Variants in MFSD6 observed in about 807,000 individuals in gnomAD.
MFSD6 encodes the protein major facilitator superfamily domain-containing protein 6.
MFSD6 carries 26 observed loss-of-function variants against 56.3 expected under a neutral mutation model. That is an observed-to-expected ratio of 0.46 (90% CI 0.34 to 0.64). The LOEUF (loss-of-function observed/expected upper bound fraction) is 0.64. Among genes scored for constraint, MFSD6 ranks in the 30% least tolerant of loss-of-function variants. The pLI, the probability that MFSD6 is intolerant of heterozygous loss-of-function variation, is 0.01. For missense variants in MFSD6, 750 were observed against 986.2 expected, an observed-to-expected ratio of 0.76 and a Z score of 3.21; for synonymous variants, 331 against 366.9, an observed-to-expected ratio of 0.90 and a Z score of 1.12.
chr2:190,429,553 C>G (rs1309984247), intron 2 of MFSD6, among the ~76,000 whole-genome samples: 3 of 152,012 alleles, frequency 2.0e-5, no homozygotes, highest in Non-Finnish European at 4.4e-5. Flanking sequence ...GTTTCGAACT[C>G]TTGATCTCAG....
chr2:190,428,014 G>A (rs1685837535), intron 2 of MFSD6, among the ~76,000 whole-genome samples: 1 of 152,202 alleles, frequency 6.6e-6, no homozygotes, highest in South Asian at 2.1e-4. Flanking sequence ...TTACAGGCGT[G>A]AGCCACTGTG....
rs1687455259 is a variant in MFSD6 at position 190,463,785 on chromosome 2, A to G, written c.1533-5973A>G. The G allele has an allele frequency of 8.1e-6, 6 of 744,404 alleles. No homozygotes were observed. In the South Asian group the frequency reaches 3.6e-4, roughly 45 times the overall value. 46.1% of individuals were successfully genotyped at this position (744,404 alleles called of 1,614,324 possible). On this transcript the variant is annotated intron_variant, in intron 3 of 7. Transcript: ENST00000392328. The surrounding 1 kb of genome is among the most constrained non-coding windows in gnomAD (Gnocchi z 4.4). ...CATTGAGCTGTGATGACGCTACTGC[A>G]CTCCAGCCTGGGTAACAGAGCAAGA...
chr2:190,436,434 C>CTT lies in MFSD6; in HGVS notation c.405_406insTT (p.Leu136PhefsTer23). On this transcript the variant is annotated frameshift_variant, in exon 3 of 8. Coordinates refer to ENST00000392328, the MANE Select transcript of MFSD6 (RefSeq NM_017694.4). LOFTEE classifies it high-confidence loss of function. The surrounding 1 kb of genome is among the most constrained non-coding windows in gnomAD (Gnocchi z 5.3). ...GCTTTAAAAAAGGCAAAATTGTCCTCCTCTTTTCTCTTTTGTGTTGGGTTT... is the reference window on the plus strand; with the variant it reads ...GCTTTAAAAAAGGCAAAATTGTCCTCTTCTCTTTTCTCTTTTGTGTTGGGTTT... The CTT allele has an allele frequency of 6.2e-7, 1 of 1,614,146 alleles. No homozygotes were observed. The highest frequency in any genetic ancestry group is 2.2e-5 in the East Asian group (1 of 44,886).
At chr2:190,445,775 A>ATACT (rs1400439749) in intron 3 of MFSD6, among the ~76,000 whole-genome samples, 1 of 151,044 alleles carries the variant, frequency 6.6e-6, no homozygotes, top group African/African-American at 2.4e-5. Flanking sequence ...TTTCATTAGA[A>ATACT]TACTTACTTT....
chr2:190,476,594 A>G (rs1688331117), intron 4 of MFSD6, among the ~76,000 whole-genome samples: 1 of 152,208 alleles, frequency 6.6e-6, no homozygotes, highest in Non-Finnish European at 1.5e-5. Flanking sequence ...GAACACTTTT[A>G]CACTGTTGGT....
At chr2:190,435,819 C>T in intron 2 of MFSD6, 158 bp from the exon 3 acceptor site, 1 of 604,512 alleles carries the variant, frequency 1.7e-6, no homozygotes, top group Non-Finnish European at 2.6e-6. Flanking sequence ...GCTATTTTTC[C>T]TTACCGGTAT....
Position 190,436,286 on chromosome 2 carries a change from A to T in MFSD6, c.257A>T (p.Tyr86Phe). Residue 86 changes from tyrosine to phenylalanine, a missense_variant, in exon 3 of 8, where the codon TAT (tyrosine) becomes TTT (phenylalanine). By Grantham distance (22) the Tyr-to-Phe change is conservative. This residue lies in a region of MFSD6 where 76 missense variants were observed against 101.9 expected (regional missense o/e 0.75). Transcript: ENST00000392328. This position sits in a 1 kb window ranked among gnomAD's most constrained non-coding sequence, Gnocchi z 5.3. ...FFFYSAYGSL[Y>F]PLLPVYYKQL... ...TTTTACTCTGCCTATGGCTCTCTCT[A>T]TCCCCTTTTGCCTGTGTATTACAAA... 10 of 1,614,020 alleles carry T rather than the reference A, an allele frequency of 6.2e-6. No individual in the cohort carries two copies. Among genetic ancestry groups the T allele is most frequent in the Non-Finnish European group, 8.5e-6 (10 of 1,179,928 alleles).
At position 190,465,485 on chromosome 2, in the gene MFSD6, A is replaced by G. The variant is rs769752785; in HGVS notation, c.1533-4273A>G. ...GTGCCCATAAGATTACTGATTATAC[A>G]TCAGTAATCTTATGTATAATCTTAT... On this transcript the variant is annotated intron_variant, in intron 3 of 7. Coordinates refer to ENST00000392328, the MANE Select transcript of MFSD6 (RefSeq NM_017694.4). This position sits in a 1 kb window ranked among gnomAD's most constrained non-coding sequence, Gnocchi z 4.6. Among the ~76,000 whole-genome samples the G allele has an allele frequency of 6.6e-6, 1 of 152,126 alleles. No individual in the cohort carries two copies. Among genetic ancestry groups the G allele is most frequent in the Non-Finnish European group, 1.5e-5 (1 of 68,032 alleles).
intron 3 of MFSD6, among the ~76,000 whole-genome samples, chr2:190,440,865 G>A (rs1172482242): frequency 6.6e-6 from 1 of 152,222 alleles, no homozygotes; most frequent in Admixed American, 6.5e-5. Flanking sequence ...AATACCTGAT[G>A]CAGCTAGTAA....
chr2:190,432,726 G>A (rs867787905), intron 2 of MFSD6, among the ~76,000 whole-genome samples: 2 of 152,076 alleles, frequency 1.3e-5, no homozygotes, highest in African/African-American at 2.4e-5. Flanking sequence ...CAAAATCTCT[G>A]TGTTTTACTT....
At position 190,436,547 on chromosome 2, in the gene MFSD6, G is replaced by T. The variant is rs1373471787; in HGVS notation, c.518G>T (p.Ser173Ile). 3 of 1,614,104 alleles carry T rather than the reference G, an allele frequency of 1.9e-6. No individual in the cohort carries two copies. Among genetic ancestry groups the T allele is most frequent in the Non-Finnish European group, 2.5e-6 (3 of 1,180,050 alleles). Residue 173 changes from serine to isoleucine, a missense_variant, in exon 3 of 8, where the codon AGT becomes ATT. Coordinates refer to ENST00000392328, the MANE Select transcript of MFSD6 (RefSeq NM_017694.4). The surrounding 1 kb of genome is among the most constrained non-coding windows in gnomAD (Gnocchi z 5.3). Reference protein sequence around the residue: ...IRPTTHPTNASHQLTILPTNS... With the variant: ...IRPTTHPTNAIHQLTILPTNS... ...CCAACAACTCACCCCACCAATGCAA[G>T]TCACCAGTTAACTATCCTGCCAACA...
chr2:190,425,635 A>G lies in MFSD6; in HGVS notation c.-54+10222A>G, dbSNP rs184000224. On this transcript the variant is annotated intron_variant, in intron 2 of 7. Transcript: ENST00000392328. This position sits in a 1 kb window ranked among gnomAD's most constrained non-coding sequence, Gnocchi z 4.3. ...GTAATTTTTCTTTTTTAGCTTATTA[A>G]CATGGTAGATTGAATTGACTGACTT... Among the ~76,000 whole-genome samples, 1 of 152,282 alleles carries G rather than the reference A, an allele frequency of 6.6e-6. No homozygotes were observed. Among genetic ancestry groups the G allele is most frequent in the African/African-American group, 2.4e-5 (1 of 41,568 alleles).
rs1420745221 is a variant in MFSD6 at position 190,485,663 on chromosome 2, C to A, written c.1631-2994C>A. ...GTCAACACTCATAATTAAGACTATC[C>A]AGGCATTATTCAATTCTGAGAAAGC... On this transcript the variant is annotated intron_variant, in intron 4 of 7. Coordinates refer to ENST00000392328, the MANE Select transcript of MFSD6 (RefSeq NM_017694.4). The surrounding 1 kb of genome is among the most constrained non-coding windows in gnomAD (Gnocchi z 5.1). Among the ~76,000 whole-genome samples the A allele has an allele frequency of 6.6e-6, 1 of 152,054 alleles. No individual in the cohort carries two copies. Among genetic ancestry groups the A allele is most frequent in the African/African-American group, 2.4e-5 (1 of 41,502 alleles).
At position 190,425,753 on chromosome 2, in the gene MFSD6, A is replaced by G. The variant is rs1353795052; in HGVS notation, c.-53-10224A>G. 6.6e-6 allele frequency among the ~76,000 whole-genome samples: 1 copy of G among 151,946 alleles called. No homozygotes were observed. The highest frequency in any genetic ancestry group is 2.4e-5 in the African/African-American group (1 of 41,364). On this transcript the variant is annotated intron_variant, in intron 2 of 7. Coordinates refer to ENST00000392328, the MANE Select transcript of MFSD6 (RefSeq NM_017694.4). This position sits in a 1 kb window ranked among gnomAD's most constrained non-coding sequence, Gnocchi z 4.3. ...ATATGTTGCTAAATTCTCTTTTCTA[A>G]TATTTTCTTAAGGGTTCTTGTATCT...
rs1575821909 is a variant in MFSD6, at chr2:190,423,128, T to C, written c.-54+7715T>C. 6.6e-6 allele frequency among the ~76,000 whole-genome samples: 1 copy of C among 152,240 alleles called. No homozygotes were observed. Among genetic ancestry groups the C allele is most frequent in the Non-Finnish European group, 1.5e-5 (1 of 68,036 alleles). On this transcript the variant is annotated intron_variant, in intron 2 of 7. Coordinates refer to ENST00000392328, the MANE Select transcript of MFSD6 (RefSeq NM_017694.4). This position sits in a 1 kb window ranked among gnomAD's most constrained non-coding sequence, Gnocchi z 4.3. ...TTAGAAATAATAGAGCAATGTCCCA[T>C]GTATCCTGTACCCCCTGACTTTTCC...
chr2:190,442,400 T>A (rs888760214), intron 3 of MFSD6, among the ~76,000 whole-genome samples: 7 of 151,956 alleles, frequency 4.6e-5, no homozygotes, highest in Non-Finnish European at 2.9e-5. Context: ...TAACCTGAAT[T>A]TCATCTGGAG....
At chr2:190,428,839 A>AT (rs1480751812) in intron 2 of MFSD6, among the ~76,000 whole-genome samples, 3 of 151,658 alleles carry the variant, frequency 2.0e-5, no homozygotes, top group South Asian at 2.1e-4. Flanking sequence ...TGCCTGGCTA[A>AT]TTTTTTTAGT....
chr2:190,442,394 C>T (rs1420839297), intron 3 of MFSD6, among the ~76,000 whole-genome samples: 2 of 152,026 alleles, frequency 1.3e-5, no homozygotes, highest in Admixed American at 1.3e-4. Flanking sequence ...GATCAGTAAC[C>T]TGAATTTCAT....
rs897430441 is a variant in MFSD6, at chr2:190,433,535, G to A, written c.-53-2442G>A. 2.0e-5 allele frequency: 3 copies of A among 152,166 alleles called. No homozygotes were observed. The highest frequency in any genetic ancestry group is 4.8e-5 in the African/African-American group (2 of 41,452). 9.4% of individuals were successfully genotyped at this position (152,166 alleles called of 1,614,324 possible). On this transcript the variant is annotated intron_variant, in intron 2 of 7. Coordinates refer to ENST00000392328, the MANE Select transcript of MFSD6 (RefSeq NM_017694.4). The surrounding 1 kb of genome is among the most constrained non-coding windows in gnomAD (Gnocchi z 4.5). ...ATTTGGAAACTAAATAGAGGTGGTGGCCATATACATTGTGAATATAGTAAA... is the reference window on the plus strand; with the variant it reads ...ATTTGGAAACTAAATAGAGGTGGTGACCATATACATTGTGAATATAGTAAA...
Sources: allele counts gnomAD v4.1 joint callset (sites outside exome capture counted in the v4.1 genomes callset), GRCh38; gene constraint gnomAD v4.1.1; regional missense constraint gnomAD v4.1.1; non-coding constraint Gnocchi (gnomAD v3.1); transcripts MANE v1.5; gene names NCBI Gene and HGNC (gene_info 2026-07-23, HGNC 2026-07-21).